CFTR: variants seen among roughly 807,000 people sequenced by gnomAD.
The protein encoded by CFTR is CF transmembrane conductance regulator, also known as cystic fibrosis transmembrane conductance regulator.
A neutral mutation model predicts 171.6 loss-of-function variants in CFTR; 181 were observed. That is an observed-to-expected ratio of 1.05 (90% CI 0.93 to 1.19). The LOEUF is 1.19. Among genes scored for constraint, CFTR ranks in the 50% most tolerant of loss-of-function variants. CFTR has a pLI of 0.00. For synonymous variants in CFTR, 583 were observed against 608.0 expected (o/e 0.96, Z 0.60); for missense variants, 1,968 against 1,734.7 (o/e 1.13, Z -2.39).
chr7:117,496,904 T>C (rs1284353617), intron 1 of CFTR, among the ~76,000 whole-genome samples: 1 of 152,088 alleles, frequency 6.6e-6, no homozygotes, highest in Non-Finnish European at 1.5e-5. Flanking sequence ...TGTGAGTTTT[T>C]TTTTTCTTTT....
intron 21 of CFTR, among the ~76,000 whole-genome samples, chr7:117,621,990 A>G (rs921896536): frequency 9.2e-5 from 14 of 152,266 alleles, no homozygotes; most frequent in African/African-American, 3.4e-4. Flanking sequence ...GCCTTTTGTC[A>G]TGTTGCAAAT....
intron 10 of CFTR, among the ~76,000 whole-genome samples, chr7:117,555,911 A>G (rs541728786): frequency 6.6e-5 from 10 of 152,178 alleles, no homozygotes; most frequent in Non-Finnish European, 1.5e-4. Flanking sequence ...TGTGGAGTCA[A>G]AAATTATACG....
intron 1 of CFTR, among the ~76,000 whole-genome samples, chr7:117,501,747 CAAAAAAAAAAAAAAAA>C (rs1212853305): frequency 1.4e-4 from 6 of 43,902 alleles, no homozygotes; most frequent in African/African-American, 4.0e-4. Flanking sequence ...AACTCTGTCT[CAAAAAAAAAAAAAAAA>C]AAAAAAAAGA....
chr7:117,518,626 T>C (rs1798638043), intron 3 of CFTR, among the ~76,000 whole-genome samples: 1 of 150,572 alleles, frequency 6.6e-6, no homozygotes, highest in African/African-American at 2.4e-5. Context: ...AGACAGGGTC[T>C]CATCATGTTG....
At chr7:117,583,600 A>C (rs1203970338) in intron 11 of CFTR, among the ~76,000 whole-genome samples, 1 of 149,662 alleles carries the variant, frequency 6.7e-6, no homozygotes, top group Admixed American at 6.7e-5. Context: ...TTGGACCCAT[A>C]TTTTCGCAAT....
chr7:117,667,046 A>G lies in CFTR; in HGVS notation c.4381A>G (p.Lys1461Glu), dbSNP rs1191325047. 6 of 1,613,932 alleles carry G rather than the reference A, an allele frequency of 3.7e-6. No individual in the cohort carries two copies. The highest frequency in any genetic ancestry group is 2.2e-5 in the South Asian group (2 of 91,088). The change falls in exon 27 of 27, where the codon AAG becomes GAG. Residue 1461 changes from lysine to glutamate, a missense_variant. Transcript: ENST00000003084. Reference protein sequence around the residue: ...PHRNSSKCKSKPQIAALKEET... With the variant: ...PHRNSSKCKSEPQIAALKEET... ...CCGGAACTCAAGCAAGTGCAAGTCT[A>G]AGCCCCAGATTGCTGCTCTGAAAGA...
At chr7:117,574,041 G>A (rs1023868087) in intron 11 of CFTR, among the ~76,000 whole-genome samples, 2 of 151,956 alleles carry the variant, frequency 1.3e-5, no homozygotes, top group Non-Finnish European at 2.9e-5. Flanking sequence ...AGCATCAAGT[G>A]GAATTAATTT....
At chr7:117,502,299 A>C (rs771788971) in intron 1 of CFTR, among the ~76,000 whole-genome samples, 1 of 152,254 alleles carries the variant, frequency 6.6e-6, no homozygotes, top group Non-Finnish European at 1.5e-5. Flanking sequence ...AAAGTTTAGC[A>C]TCTCTAAGCC....
chr7:117,565,937 A>G (rs576756143), intron 11 of CFTR, among the ~76,000 whole-genome samples: 6 of 152,284 alleles, frequency 3.9e-5, no homozygotes, highest in Admixed American at 1.3e-4. Flanking sequence ...CAGATATCAC[A>G]TGACTGATTA....
chr7:117,610,734 A>G, intron 19 of CFTR, 65 bp downstream of exon 19: 1 of 1,560,586 alleles, frequency 6.4e-7, no homozygotes, highest in East Asian at 2.3e-5. Context: ...GAGATTCTTT[A>G]TTGTTAATCT....
intron 10 of CFTR, among the ~76,000 whole-genome samples, chr7:117,558,834 C>A (rs1799405995): frequency 6.6e-6 from 1 of 152,106 alleles, no homozygotes; most frequent in Non-Finnish European, 1.5e-5. Flanking sequence ...TTACTTCTAA[C>A]TTTTCTTATT....
intron 10 of CFTR, among the ~76,000 whole-genome samples, chr7:117,558,906 T>C (rs1238422647): frequency 6.6e-6 from 1 of 152,216 alleles, no homozygotes; most frequent in African/African-American, 2.4e-5. Flanking sequence ...TTAGTTTTAA[T>C]TTTTGTTCAC....
chr7:117,597,070 C>A (rs1490067680), intron 15 of CFTR, among the ~76,000 whole-genome samples: 1 of 152,180 alleles, frequency 6.6e-6, no homozygotes, highest in East Asian at 1.9e-4. Flanking sequence ...AGCAGGCTGC[C>A]TGAGCCAGAA....
chr7:117,627,618 A>G lies in CFTR; in HGVS notation c.3565A>G (p.Lys1189Glu). Residue 1189 changes from lysine (K) to glutamate (E), a missense_variant, in exon 22 of 27, where the codon AAA (lysine) becomes GAA (glutamate). By Grantham distance (56) the Lys-to-Glu change is moderately conservative (BLOSUM62 1). Coordinates refer to ENST00000003084, the MANE Select transcript of CFTR (RefSeq NM_000492.4). ...ACCATACAAGAATGGCCAACTCTCGAAAGTTATGATTATTGAGAATTCACA... is the reference window on the plus strand; with the variant it reads ...ACCATACAAGAATGGCCAACTCTCGGAAGTTATGATTATTGAGAATTCACA... ...TKPYKNGQLS[K>E]VMIIENSHVK... The G allele has an allele frequency of 1.9e-6, 3 of 1,613,526 alleles. No homozygotes were observed. The highest frequency in any genetic ancestry group is 2.5e-6 in the Non-Finnish European group (3 of 1,179,608).
At chr7:117,637,474 C>A (rs781160306) in intron 22 of CFTR, among the ~76,000 whole-genome samples, 1 of 151,936 alleles carries the variant, frequency 6.6e-6, no homozygotes, top group Non-Finnish European at 1.5e-5. Context: ...CTAGTGTGAG[C>A]GGGAGTTGAG....
intron 21 of CFTR, among the ~76,000 whole-genome samples, chr7:117,626,267 T>C: frequency 6.6e-6 from 1 of 152,246 alleles, no homozygotes; most frequent in Non-Finnish European, 1.5e-5. Flanking sequence ...TAAACTCCTC[T>C]GCTTTATCCA....
chr7:117,531,029 C>T lies in CFTR; in HGVS notation c.404C>T (p.Thr135Ile). 6.2e-7 allele frequency: 1 copy of T among 1,613,752 alleles called. No individual in the cohort carries two copies. The highest frequency in any genetic ancestry group is 8.5e-7 in the Non-Finnish European group (1 of 1,179,840). The change falls in exon 4 of 27, where the codon ACA (threonine) becomes ATA (isoleucine). Residue 135 changes from threonine to isoleucine, a missense_variant. By Grantham distance (89) the Thr-to-Ile change is moderately conservative (BLOSUM62 -1). Transcript: ENST00000003084. ...IGLCLLFIVR[T>I]LLLHPAIFGL... ...TTATGCCTTCTCTTTATTGTGAGGA[C>T]ACTGCTCCTACACCCAGCCATTTTT...
intron 17 of CFTR, 62 bp downstream of exon 17, chr7:117,603,844 G>T: frequency 1.3e-6 from 2 of 1,594,128 alleles, no homozygotes; most frequent in Non-Finnish European, 1.7e-6. Context: ...CTGTGGTTTT[G>T]TTGGTTTTCT....
At chr7:117,654,508 G>A (rs1266482441) in intron 24 of CFTR, among the ~76,000 whole-genome samples, 1 of 152,088 alleles carries the variant, frequency 6.6e-6, no homozygotes, top group Non-Finnish European at 1.5e-5. Flanking sequence ...CATGTGTTGA[G>A]GGAGGGACCT....
Sources: allele counts gnomAD v4.1 joint callset (sites outside exome capture counted in the v4.1 genomes callset), GRCh38; gene constraint gnomAD v4.1.1; transcripts MANE v1.5; gene names NCBI Gene and HGNC (gene_info 2026-07-23, HGNC 2026-07-21).